The following PSKH2 variants were observed in gnomAD, a reference collection of about 807,000 sequenced individuals.
The protein encoded by PSKH2 is serine/threonine-protein kinase H2.
Under a neutral mutation model 22.5 loss-of-function variants are expected in PSKH2, and 16 were observed. The ratio of observed to expected loss-of-function variants is 0.71; its 90% CI spans 0.48 to 1.08. PSKH2 has a LOEUF of 1.08. Ranked by LOEUF, PSKH2 falls within the 50% of genes least tolerant of loss-of-function variation. The pLI, the probability that PSKH2 is intolerant of heterozygous loss-of-function variation, is 0.00. For synonymous variants in PSKH2, 188 were observed against 184.8 expected (o/e 1.02, Z -0.14); for missense variants, 516 against 492.8 (o/e 1.05, Z -0.44).
chr8:86,057,449 C>T (rs1342456230), intron 2 of PSKH2, among the ~76,000 whole-genome samples: 6 of 151,888 alleles, frequency 4.0e-5, no homozygotes, highest in Admixed American at 6.6e-5. Flanking sequence ...TGCAGTGGCC[C>T]GATCTCAGCT....
intron 2 of PSKH2, among the ~76,000 whole-genome samples, chr8:86,059,587 C>T (rs1187661253): frequency 6.6e-6 from 1 of 152,102 alleles, no homozygotes; most frequent in Non-Finnish European, 1.5e-5. Flanking sequence ...TAGCTTTGAC[C>T]CTCTTGTCTC....
At chr8:86,061,209 C>G (rs1298573996) in intron 2 of PSKH2, among the ~76,000 whole-genome samples, 1 of 152,188 alleles carries the variant, frequency 6.6e-6, no homozygotes, top group African/African-American at 2.4e-5. Flanking sequence ...GCTCCCCTCA[C>G]TCCCTTACCT....
chr8:86,063,091 A>G (rs1817801828), intron 2 of PSKH2, among the ~76,000 whole-genome samples: 1 of 152,208 alleles, frequency 6.6e-6, no homozygotes, highest in Non-Finnish European at 1.5e-5. Context: ...GCTCTCATTT[A>G]TCAATTTGAA....
In PSKH2 at chr8:86,055,776, G is replaced by A. The variant is rs1432133976; in HGVS notation, c.853-7009C>T. Among the ~76,000 whole-genome samples the A allele has an allele frequency of 5.9e-5, 9 of 152,222 alleles. No homozygotes were observed. In the East Asian group the frequency reaches 1.5e-3, roughly 26 times the overall value. ...GAACAAGAGAATAAGAGAAGTTAGT[G>A]GAGAAAAGGAGACATAACAAAATTG... is the stretch of plus-strand genomic sequence containing the variant. On this transcript the variant is annotated intron_variant, in intron 2 of 2. Coordinates refer to ENST00000276616, the MANE Select transcript of PSKH2 (RefSeq NM_033126.3).
At chr8:86,049,617 C>T (rs1817582775) in intron 2 of PSKH2, among the ~76,000 whole-genome samples, 1 of 98,776 alleles carries the variant, frequency 1.0e-5, no homozygotes, top group Non-Finnish European at 1.9e-5. Flanking sequence ...AGGGGAGAGG[C>T]AGAGAGAGAG....
intron 2 of PSKH2, among the ~76,000 whole-genome samples, chr8:86,052,480 A>T (rs1817646423): frequency 6.6e-6 from 1 of 152,188 alleles, no homozygotes; most frequent in Admixed American, 6.5e-5. Context: ...AAAAATGGGG[A>T]TCATCATATC....
At chr8:86,049,645 CAGAGAGAGAG>C (rs148924805) in intron 2 of PSKH2, among the ~76,000 whole-genome samples, 1 of 100,918 alleles carries the variant, frequency 9.9e-6, no homozygotes, top group Non-Finnish European at 1.9e-5. Context: ...GAGGGGAAGG[CAGAGAGAGAG>C]AGAGAGAAAG....
intron 2 of PSKH2, among the ~76,000 whole-genome samples, chr8:86,055,980 C>CTGTGTG (rs55968832): frequency 8.0e-5 from 12 of 150,018 alleles, no homozygotes; most frequent in East Asian, 2.0e-4. Context: ...ATGTGTGTGT[C>CTGTGTG]TGTGTGTGTG....
chr8:86,064,045 C>T lies in PSKH2; in HGVS notation c.772G>A (p.Gly258Arg), dbSNP rs145737809. ...LGVITYALLS[G>R]FLPFDDESQT... The stretch of plus-strand genomic sequence containing the variant: ...CTTTCATCATCAAAAGGCAGGAATC[C>T]GCTAAGTAAAGCATATGTGATCACA... Residue 258 changes from glycine to arginine, a missense_variant, in exon 2 of 3, where the codon GGA becomes AGA. Gly to Arg is a moderately radical substitution (Grantham distance 125). Transcript: ENST00000276616. The T allele has an allele frequency of 2.9e-5, 46 of 1,613,974 alleles. No individual in the cohort carries two copies. The highest frequency in any genetic ancestry group is 2.1e-4 in the African/African-American group (16 of 74,914).
At chr8:86,051,353 G>T (rs1042920439) in intron 2 of PSKH2, among the ~76,000 whole-genome samples, 2 of 152,162 alleles carry the variant, frequency 1.3e-5, no homozygotes, top group African/African-American at 4.8e-5. Context: ...CGCCCAAATT[G>T]TTGGGATTAC....
chr8:86,057,985 T>G (rs921903994), intron 2 of PSKH2, among the ~76,000 whole-genome samples: 5 of 152,212 alleles, frequency 3.3e-5, no homozygotes, highest in African/African-American at 1.2e-4. Context: ...GCAGAGACAC[T>G]GAGCTGAACA....
At chr8:86,069,789 C>T (rs537986031), upstream of PSKH2, 375 of 709,458 alleles carry the variant, frequency 5.3e-4, 4 homozygotes, top group South Asian at 8.8e-3. Flanking sequence ...CGCTAACGAC[C>T]GAGACGCCTG....
In PSKH2 at chr8:86,060,271, C is replaced by T. The variant is rs73688575; in HGVS notation, c.852+3694G>A. 5.9e-3 allele frequency among the ~76,000 whole-genome samples: 899 copies of T among 152,200 alleles called. 8 individuals carry two copies. Among genetic ancestry groups the T allele is most frequent in the African/African-American group, 0.021 (874 of 41,506 alleles). ...TCTTTAAGTCTCATCTTTTGTGTGG[C>T]TCCTGTGCACAGAAATAAATTTATA... On this transcript the variant is annotated intron_variant, in intron 2 of 2. Coordinates refer to ENST00000276616, the MANE Select transcript of PSKH2 (RefSeq NM_033126.3).
chr8:86,051,089 G>A (rs1410548458), intron 2 of PSKH2, among the ~76,000 whole-genome samples: 2 of 144,086 alleles, frequency 1.4e-5, no homozygotes, highest in African/African-American at 5.1e-5. Flanking sequence ...TTTTTGAAAT[G>A]GTGTCTCATT....
In PSKH2 at chr8:86,064,155, G is replaced by C; in HGVS notation, c.662C>G (p.Thr221Arg). The change falls in exon 2 of 3, where the codon ACA becomes AGA. Residue 221 changes from threonine (T) to arginine (R), a missense_variant. By Grantham distance (71) the Thr-to-Arg change is moderately conservative. Transcript: ENST00000276616. ...GKKSGDWTMK[T>R]LCGTPEYIAP... ...TATGTACTCTGGGGTCCCACAGAGT[G>C]TCTTCATTGTCCAGTCACCACTTTT... 6.2e-7 allele frequency: 1 copy of C among 1,614,132 alleles called. No individual in the cohort carries two copies. The highest frequency in any genetic ancestry group is 8.5e-7 in the Non-Finnish European group (1 of 1,180,016).
chr8:86,055,613 AG>A (rs1817689224), intron 2 of PSKH2, among the ~76,000 whole-genome samples: 1 of 152,244 alleles, frequency 6.6e-6, no homozygotes, highest in Non-Finnish European at 1.5e-5. Flanking sequence ...ACCAAATTAC[AG>A]GAATTACAGC....
chr8:86,065,179 T>G (rs1817839698), intron 1 of PSKH2, among the ~76,000 whole-genome samples: 1 of 152,228 alleles, frequency 6.6e-6, no homozygotes, highest in Non-Finnish European at 1.5e-5. Context: ...GAGAATAAAG[T>G]AGAAGCTTAC....
Position 86,064,113 on chromosome 8 carries a change from A to G in PSKH2, c.704T>C (p.Leu235Pro), listed in dbSNP as rs778964518. 2 of 1,614,170 alleles carry G rather than the reference A, an allele frequency of 1.2e-6. No individual in the cohort carries two copies. The highest frequency in any genetic ancestry group is 2.2e-5 in the South Asian group (2 of 91,082). ...TPEYIAPEVL[L>P]RKPYTSAVDM... ...CACTGCACTGGTATAAGGCTTCCTT[A>G]GCAAAACCTCAGGAGCTATGTACTC... Residue 235 changes from leucine (L) to proline (P), a missense_variant, in exon 2 of 3, where the codon CTA becomes CCA. By Grantham distance (98) the Leu-to-Pro change is moderately conservative. Transcript: ENST00000276616.
chr8:86,069,609 G>C lies in PSKH2; in HGVS notation c.14C>G (p.Ala5Gly). 6.3e-7 allele frequency: 1 copy of C among 1,589,934 alleles called. No individual in the cohort carries two copies. Among genetic ancestry groups the C allele is most frequent in the Non-Finnish European group, 8.5e-7 (1 of 1,170,904 alleles). MGCG[A>G]SRKVVPGPPA... is the part of the protein sequence containing the mutation. ...TGGCCCCGGGACCACCTTCCTGCTG[G>C]CGCCGCACCCCATACCCGCAACACG... is the stretch of plus-strand genomic sequence containing the variant. Residue 5 changes from alanine to glycine, a missense_variant, in exon 1 of 3, where the codon GCC becomes GGC. Physicochemically the swap from Ala to Gly is moderately conservative, Grantham distance 60 (BLOSUM62 0). Coordinates refer to ENST00000276616, the MANE Select transcript of PSKH2 (RefSeq NM_033126.3).
Sources: gnomAD v4.1 joint callset for allele counts (sites outside exome capture counted in the v4.1 genomes callset) on GRCh38, gnomAD v4.1.1 for gene constraint, MANE v1.5 for transcripts, NCBI Gene and HGNC (gene_info 2026-07-23, HGNC 2026-07-21) for gene names.